The following EPHA6 variants were observed in gnomAD, a reference collection of about 807,000 sequenced individuals.
EPHA6 encodes EPH receptor A6.
EPHA6 carries 50 observed loss-of-function variants against 112.0 expected under a neutral mutation model. The observed-to-expected ratio is 0.45, with a 90% CI of 0.36 to 0.56. The LOEUF (loss-of-function observed/expected upper bound fraction) is 0.56. Ranked by LOEUF, EPHA6 falls within the 20% of genes least tolerant of loss-of-function variation. The pLI is 0.00. For missense variants in EPHA6, 1,280 were observed against 1,417.4 expected (o/e 0.90, Z 1.56); for synonymous variants, 529 against 490.7 (o/e 1.08, Z -1.03).
chr3:97,447,054 T>G (rs2090370290), intron 6 of EPHA6, among the ~76,000 whole-genome samples: 2 of 152,184 alleles, frequency 1.3e-5, no homozygotes, highest in South Asian at 4.1e-4. Context: ...ATAAGCAGTT[T>G]TATTATTTGG....
At chr3:96,831,225 A>C (rs1335316967) in intron 1 of EPHA6, among the ~76,000 whole-genome samples, 2 of 151,964 alleles carry the variant, frequency 1.3e-5, no homozygotes, top group Admixed American at 1.3e-4. Context: ...TTCATTTATC[A>C]CCTGTTTATT....
chr3:96,935,977 A>T (rs952287921), intron 2 of EPHA6, among the ~76,000 whole-genome samples: 1 of 151,940 alleles, frequency 6.6e-6, no homozygotes, highest in Non-Finnish European at 1.5e-5. Flanking sequence ...CAAACCTCCT[A>T]AGGAAAATTT....
intron 3 of EPHA6, among the ~76,000 whole-genome samples, chr3:97,129,877 T>A (rs926664469): frequency 6.6e-6 from 1 of 152,042 alleles, no homozygotes; most frequent in African/African-American, 2.4e-5. Flanking sequence ...AGATGAGGGA[T>A]TTGGTCAGAT....
chr3:97,511,610 G>A (rs549031595), intron 10 of EPHA6, among the ~76,000 whole-genome samples: 5 of 151,800 alleles, frequency 3.3e-5, no homozygotes, highest in Admixed American at 6.6e-5. Flanking sequence ...GCTGCAGACC[G>A]GAGCTGTTCC....
intron 2 of EPHA6, among the ~76,000 whole-genome samples, chr3:96,896,173 C>T (rs934933114): frequency 5.3e-5 from 8 of 152,030 alleles, no homozygotes; most frequent in Admixed American, 2.6e-4. Flanking sequence ...CTCTGTCCTC[C>T]GCCTTTATTT....
At position 97,740,607 on chromosome 3, in the gene EPHA6, T is replaced by C. The variant is rs185050214; in HGVS notation, c.3128+4489T>C. ...TTAAAGCACTTAGTTTCCAGTAATA[T>C]GTGAATCATGAAGGTAGGGAAAAGC... On this transcript the variant is annotated intron_variant, in intron 16 of 17. Transcript: ENST00000389672. 2.2e-3 allele frequency among the ~76,000 whole-genome samples: 338 copies of C among 152,226 alleles called. 2 individuals are homozygous for C. The highest frequency in any genetic ancestry group is 7.6e-3 in the African/African-American group (315 of 41,550).
chr3:96,981,932 G>A (rs1354090718), intron 2 of EPHA6, among the ~76,000 whole-genome samples: 1 of 151,936 alleles, frequency 6.6e-6, no homozygotes, highest in African/African-American at 2.4e-5. Flanking sequence ...ACATCTATTT[G>A]ATTCTTCTCT....
rs556388538 is a variant in EPHA6, at chr3:97,047,499, C to CAA, written c.1114+59527_1114+59528dup. The stretch of plus-strand genomic sequence containing the variant: ...TGGGCAACAGAGTGAGACTCTGTCT[C>CAA]AAAAAAAAAAAAAAAAAAAAAAGAA... On this transcript the variant is annotated intron_variant, in intron 3 of 17. Coordinates refer to ENST00000389672, the MANE Select transcript of EPHA6 (RefSeq NM_001080448.3). Among the ~76,000 whole-genome samples the CAA allele has an allele frequency of 8.2e-3, 363 of 44,526 alleles. 1 individual carries two copies. Among genetic ancestry groups the CAA allele is most frequent in the African/African-American group, 0.01 (145 of 14,186 alleles). The allele number at this position is 44,526 out of a possible 152,430, so 29.2% of individuals were successfully genotyped here.
chr3:97,640,168 A>G (rs1038714416), intron 14 of EPHA6, among the ~76,000 whole-genome samples: 4 of 152,234 alleles, frequency 2.6e-5, no homozygotes, highest in African/African-American at 7.2e-5. Context: ...CAGAGGCTGA[A>G]GAAGGCGTCA....
chr3:97,678,089 A>G (rs909869788), intron 14 of EPHA6, among the ~76,000 whole-genome samples: 1 of 152,142 alleles, frequency 6.6e-6, no homozygotes, highest in African/African-American at 2.4e-5. Flanking sequence ...CAAAGTCTTC[A>G]AGAAATGAGG....
rs557524247 is a variant in EPHA6, at chr3:97,542,507, A to G, written c.2386+9964A>G. ...TCCAGTCTATCATTGTTGGACATTT[A>G]GGTTGGTTCCAAGTCTTTGCTATTG... On this transcript the variant is annotated intron_variant, in intron 11 of 17. Transcript: ENST00000389672. Among the ~76,000 whole-genome samples the G allele has an allele frequency of 2.9e-3, 435 of 152,218 alleles. 4 individuals are homozygous for G. Among genetic ancestry groups the G allele is most frequent in the African/African-American group, 0.01 (418 of 41,552 alleles).
intron 5 of EPHA6, among the ~76,000 whole-genome samples, chr3:97,314,607 A>G (rs1384643033): frequency 1.3e-5 from 2 of 151,726 alleles, no homozygotes; most frequent in African/African-American, 2.4e-5. Flanking sequence ...CTGAATCACA[A>G]TCTCAAATAC....
At chr3:97,528,218 G>A (rs891739847) in intron 10 of EPHA6, among the ~76,000 whole-genome samples, 8 of 152,046 alleles carry the variant, frequency 5.3e-5, no homozygotes, top group Non-Finnish European at 8.8e-5. Context: ...AGTAGCCTGA[G>A]GTTCGTATTA....
chr3:97,061,847 G>A (rs1576415864), intron 3 of EPHA6, among the ~76,000 whole-genome samples: 1 of 152,174 alleles, frequency 6.6e-6, no homozygotes, highest in East Asian at 1.9e-4. Flanking sequence ...CTGGGTGCTG[G>A]AAATACAGAC....
intron 14 of EPHA6, among the ~76,000 whole-genome samples, chr3:97,719,114 G>A (rs1420615437): frequency 3.9e-5 from 1 of 25,844 alleles, no homozygotes; most frequent in Admixed American, 5.2e-4. Flanking sequence ...CCCCCGCCGC[G>A]GTAAGTAGTG....
Position 97,394,652 on chromosome 3 carries a change from T to G in EPHA6, c.1607-10498T>G, listed in dbSNP as rs191869436. Reference sequence around the variant, plus strand: ...TATTTTTGAAGAGAAGACATACAAATAGCCAACCTGTACATGAAAAAATAT... The same window carrying G: ...TATTTTTGAAGAGAAGACATACAAAGAGCCAACCTGTACATGAAAAAATAT... On this transcript the variant is annotated intron_variant, in intron 5 of 17. Coordinates refer to ENST00000389672, the MANE Select transcript of EPHA6 (RefSeq NM_001080448.3). 1.3e-4 allele frequency among the ~76,000 whole-genome samples: 20 copies of G among 151,898 alleles called. 1 individual carries two copies. Among genetic ancestry groups the G allele is most frequent in the Non-Finnish European group, 2.4e-4 (16 of 67,792 alleles).
At chr3:97,624,408 C>T (rs139165541) in intron 13 of EPHA6, among the ~76,000 whole-genome samples, 1 of 151,602 alleles carries the variant, frequency 6.6e-6, no homozygotes, top group East Asian at 1.9e-4. Flanking sequence ...TTCAATTTGG[C>T]CATGATGTAT....
chr3:97,640,926 T>G (rs777929985), intron 14 of EPHA6, among the ~76,000 whole-genome samples: 4 of 152,090 alleles, frequency 2.6e-5, no homozygotes, highest in Non-Finnish European at 5.9e-5. Flanking sequence ...GCAATGACAG[T>G]TGGAATAAAG....
intron 14 of EPHA6, among the ~76,000 whole-genome samples, chr3:97,685,930 C>T (rs1033521520): frequency 6.6e-6 from 1 of 152,014 alleles, no homozygotes; most frequent in African/African-American, 2.4e-5. Flanking sequence ...ATTCTACCTC[C>T]TTTGATGTAA....
Sources: gnomAD v4.1 joint callset for allele counts (sites outside exome capture counted in the v4.1 genomes callset) on GRCh38, gnomAD v4.1.1 for gene constraint, MANE v1.5 for transcripts, NCBI Gene and HGNC (gene_info 2026-07-23, HGNC 2026-07-21) for gene names.